Variants in GPC5 observed in about 807,000 individuals in gnomAD.
GPC5 encodes glypican-5.
In GPC5, 47 loss-of-function variants were observed where a neutral mutation model predicts 53.9. The observed-to-expected ratio is 0.87, with a 90% CI of 0.69 to 1.11. The LOEUF (loss-of-function observed/expected upper bound fraction) is 1.11. Among genes scored for constraint, GPC5 ranks in the 50% most tolerant of loss-of-function variants. The pLI is 0.00. For synonymous variants in GPC5, 286 were observed against 263.3 expected (o/e 1.09, Z -0.84); for missense variants, 748 against 713.1 (o/e 1.05, Z -0.56).
At chr13:92,176,948 C>A (rs1271462620) in intron 7 of GPC5, among the ~76,000 whole-genome samples, 1 of 152,246 alleles carries the variant, frequency 6.6e-6, no homozygotes, top group Non-Finnish European at 1.5e-5. Flanking sequence ...CACCCTGCCA[C>A]TATGCTATAG....
chr13:92,554,678 G>A (rs139389850), intron 7 of GPC5, among the ~76,000 whole-genome samples: 2 of 150,254 alleles, frequency 1.3e-5, no homozygotes, highest in Non-Finnish European at 3.0e-5. Flanking sequence ...TGAGGAAAGA[G>A]AAAAACTATA....
At position 91,693,868 on chromosome 13, in the gene GPC5, A is replaced by C; in HGVS notation, c.1007A>C (p.Lys336Thr). Residue 336 changes from lysine (K) to threonine (T), a missense_variant, in exon 3 of 8, where the codon AAA (lysine) becomes ACA (threonine). Lys to Thr is a moderately conservative substitution (Grantham distance 78, BLOSUM62 -1). Coordinates refer to ENST00000377067, the MANE Select transcript of GPC5 (RefSeq NM_004466.6). ...AVLQAHLNGQ[K>T]LLEQVNRICG... ...TTACAGGCTCACCTCAATGGACAAA[A>C]ATTATTGGAACAGGTAAGTAGGAGC... is the stretch of plus-strand genomic sequence containing the variant. 1 of 1,592,748 alleles carries C rather than the reference A, an allele frequency of 6.3e-7. No individual in the cohort carries two copies. Among genetic ancestry groups the C allele is most frequent in the Non-Finnish European group, 8.6e-7 (1 of 1,169,336 alleles).
At chr13:92,527,108 A>AGAAAGGAAGAAAG (rs75868236) in intron 7 of GPC5, among the ~76,000 whole-genome samples, 1 of 39,024 alleles carries the variant, frequency 2.6e-5, no homozygotes, top group African/African-American at 8.0e-5. Context: ...AAAGAAAGAA[A>AGAAAGGAAGAAAG]AAAGAAAGAA....
At chr13:92,836,228 C>T (rs1212254147) in intron 7 of GPC5, among the ~76,000 whole-genome samples, 1 of 151,950 alleles carries the variant, frequency 6.6e-6, no homozygotes, top group Non-Finnish European at 1.5e-5. Context: ...ATATTGTCCT[C>T]TTATCACTAG....
At chr13:91,984,400 T>C (rs1026334629) in intron 6 of GPC5, among the ~76,000 whole-genome samples, 6 of 152,214 alleles carry the variant, frequency 3.9e-5, no homozygotes, top group African/African-American at 1.4e-4. Context: ...TAACAGCCAA[T>C]GGCATTGAGT....
chr13:92,103,749 A>G (rs549485434), intron 6 of GPC5, among the ~76,000 whole-genome samples: 59 of 152,292 alleles, frequency 3.9e-4, no homozygotes, highest in Non-Finnish European at 7.2e-4. Flanking sequence ...CACATTTTCA[A>G]CATTCCTAAG....
At chr13:92,828,663 C>T (rs2138818364) in intron 7 of GPC5, among the ~76,000 whole-genome samples, 1 of 152,274 alleles carries the variant, frequency 6.6e-6, no homozygotes, top group Non-Finnish European at 1.5e-5. Context: ...CATGAGCATA[C>T]ACCATAGGAA....
intron 2 of GPC5, among the ~76,000 whole-genome samples, chr13:91,571,979 A>G (rs141175466): frequency 2.7e-3 from 367 of 133,622 alleles, no homozygotes; most frequent in African/African-American, 0.01. Flanking sequence ...ATGTGTATAT[A>G]TGTATATATG....
At chr13:91,574,977 G>A (rs1270042739) in intron 2 of GPC5, among the ~76,000 whole-genome samples, 2 of 152,270 alleles carry the variant, frequency 1.3e-5, no homozygotes, top group African/African-American at 2.4e-5. Context: ...ATGATGCCAT[G>A]GAATGTTTTG....
At chr13:92,203,646 AT>A (rs2042311322) in intron 7 of GPC5, among the ~76,000 whole-genome samples, 2 of 119,770 alleles carry the variant, frequency 1.7e-5, no homozygotes, top group Admixed American at 1.8e-4. Context: ...ATAAAAAAAT[AT>A]ATATATATAA....
intron 7 of GPC5, among the ~76,000 whole-genome samples, chr13:92,326,463 A>T (rs971165597): frequency 5.3e-5 from 8 of 152,088 alleles, no homozygotes; most frequent in African/African-American, 1.9e-4. Context: ...TGCTGTTGGT[A>T]GTTTATTGAT....
At chr13:92,387,837 T>G (rs926572573) in intron 7 of GPC5, among the ~76,000 whole-genome samples, 4 of 152,082 alleles carry the variant, frequency 2.6e-5, no homozygotes, top group Non-Finnish European at 5.9e-5. Context: ...CTCAAACGGT[T>G]GTTTTGAAAA....
chr13:92,190,225 T>C (rs1358744217), intron 7 of GPC5, among the ~76,000 whole-genome samples: 7 of 152,130 alleles, frequency 4.6e-5, no homozygotes, highest in Non-Finnish European at 2.9e-5. Flanking sequence ...GAGAATTCTC[T>C]ACTCTATGAA....
chr13:92,865,434 AC>A (rs1879307315), intron 7 of GPC5, among the ~76,000 whole-genome samples: 1 of 152,126 alleles, frequency 6.6e-6, no homozygotes, highest in African/African-American at 2.4e-5. Context: ...GATCTCACTT[AC>A]ATGTGGAATC....
At chr13:91,403,822 C>T (rs745829848) in intron 1 of GPC5, among the ~76,000 whole-genome samples, 20 of 152,126 alleles carry the variant, frequency 1.3e-4, no homozygotes, top group South Asian at 2.1e-4. Context: ...TCATAGAATC[C>T]AATGGCTCAT....
chr13:92,110,991 T>A (rs555667922), intron 6 of GPC5, among the ~76,000 whole-genome samples: 4 of 152,314 alleles, frequency 2.6e-5, no homozygotes, highest in African/African-American at 9.6e-5. Flanking sequence ...GGACTAATCA[T>A]TGAATAAAAT....
At chr13:92,132,241 T>C (rs2041750361) in intron 6 of GPC5, among the ~76,000 whole-genome samples, 1 of 152,158 alleles carries the variant, frequency 6.6e-6, no homozygotes, top group South Asian at 2.1e-4. Flanking sequence ...GAGGTGCTCT[T>C]GTTTATGATG....
Position 91,728,577 on chromosome 13 carries a change from C to T in GPC5, c.1066C>T (p.Pro356Ser). Residue 356 changes from proline to serine, a missense_variant, in exon 4 of 8, where the codon CCC becomes TCC. Pro to Ser is a moderately conservative substitution (Grantham distance 74). Coordinates refer to ENST00000377067, the MANE Select transcript of GPC5 (RefSeq NM_004466.6). ...CCCTGTAAGAACACCCACACAAAGC[C>T]CCCGTTGTTCTTTTGATCAGAGCAA... Reference protein sequence around the residue: ...GRPVRTPTQSPRCSFDQSKEK... With the variant: ...GRPVRTPTQSSRCSFDQSKEK... 1 of 1,612,266 alleles carries T rather than the reference C, an allele frequency of 6.2e-7. No individual in the cohort carries two copies. Among genetic ancestry groups the T allele is most frequent in the Non-Finnish European group, 8.5e-7 (1 of 1,178,872 alleles).
intron 7 of GPC5, among the ~76,000 whole-genome samples, chr13:92,226,044 T>C (rs1430433216): frequency 6.6e-6 from 1 of 152,144 alleles, no homozygotes; most frequent in African/African-American, 2.4e-5. Flanking sequence ...CTTGCTGTTA[T>C]CAGGAAAATG....
Sources: allele counts gnomAD v4.1 joint callset (sites outside exome capture counted in the v4.1 genomes callset), GRCh38; gene constraint gnomAD v4.1.1; transcripts MANE v1.5; gene names NCBI Gene and HGNC (gene_info 2026-07-23, HGNC 2026-07-21).